The following CEP63 variants were observed in gnomAD, a reference collection of about 807,000 sequenced individuals.
CEP63 encodes centrosomal protein 63.
CEP63 carries 84 observed loss-of-function variants against 89.1 expected under a neutral mutation model. The ratio of observed to expected loss-of-function variants is 0.94; its 90% CI spans 0.79 to 1.13. The LOEUF (loss-of-function observed/expected upper bound fraction) is 1.13. Among genes scored for constraint, CEP63 ranks in the 50% most tolerant of loss-of-function variants. The pLI, the probability that CEP63 is intolerant of heterozygous loss-of-function variation, is 0.00. For synonymous variants in CEP63, 267 were observed against 272.5 expected, an observed-to-expected ratio of 0.98 and a Z score of 0.20; for missense variants, 838 against 813.3, an observed-to-expected ratio of 1.03 and a Z score of -0.37.
intron 10 of CEP63, 48 bp from the exon 11 acceptor site, chr3:134,550,014 TA>T: frequency 7.6e-7 from 1 of 1,318,780 alleles, no homozygotes; most frequent in Non-Finnish European, 1.1e-6. Context: ...TTATTCTATC[TA>T]AATGCTTTCT....
the CEP63 span, chr3:134,604,439 C>T: frequency 8.7e-6 from 14 of 1,612,660 alleles, no homozygotes; most frequent in South Asian, 5.5e-5. Context: ...AGCGTCGGGG[C>T]GCAGCTCTCA....
the CEP63 span, among the ~76,000 whole-genome samples, chr3:134,740,261 T>A: frequency 7.0e-6 from 1 of 142,418 alleles, no homozygotes; most frequent in Non-Finnish European, 1.5e-5. Flanking sequence ...GCACTTATTC[T>A]TTTCTTTTAT....
the CEP63 span, among the ~76,000 whole-genome samples, chr3:134,611,912 C>A: frequency 5.1e-4 from 77 of 152,294 alleles, no homozygotes; most frequent in African/African-American, 1.8e-3. Flanking sequence ...TTAAAATTAG[C>A]AAAATATTGG....
At chr3:134,650,523 C>T in the CEP63 span, among the ~76,000 whole-genome samples, 1 of 152,210 alleles carries the variant, frequency 6.6e-6, no homozygotes, top group African/African-American at 2.4e-5. Flanking sequence ...ATCTTCCAAT[C>T]TTGCTCTACA....
the CEP63 span, among the ~76,000 whole-genome samples, chr3:134,747,353 G>A: frequency 1.2e-4 from 18 of 152,324 alleles, no homozygotes; most frequent in African/African-American, 4.3e-4. Context: ...ATATAGTGAT[G>A]AGCAAGACAG....
Position 134,584,965 on chromosome 3 carries a change from T to TTTTTGTTTTG in CEP63, c.1207-2489_1207-2488insGTTTTGTTTT, listed in dbSNP as rs1553799231. On this transcript the variant is annotated intron_variant, in intron 10 of 10. Transcript: ENST00000683931. ...TTCTAGATTTTCTAGGGTTTTTTTT[T>TTTTTGTTTTG]TTTTTTTTTGCATGGAGGTGTTTAT... 1.3e-3 allele frequency among the ~76,000 whole-genome samples: 172 copies of TTTTTGTTTTG among 134,840 alleles called. 5 individuals are homozygous for TTTTTGTTTTG. The highest frequency in any genetic ancestry group is 4.7e-3 in the African/African-American group (167 of 35,610). 88.5% of individuals were successfully genotyped at this position (134,840 alleles called of 152,430 possible). A position where few individuals can be genotyped will look rare whatever the true frequency, so the allele number is the denominator to read the frequency against.
chr3:134,622,168 T>C, the CEP63 span, among the ~76,000 whole-genome samples: 3 of 152,190 alleles, frequency 2.0e-5, no homozygotes, highest in African/African-American at 4.8e-5. Flanking sequence ...TCTCAGAAAG[T>C]TAAATGTAGA....
At chr3:134,624,698 C>A in the CEP63 span, among the ~76,000 whole-genome samples, 5 of 152,244 alleles carry the variant, frequency 3.3e-5, no homozygotes, top group Non-Finnish European at 5.9e-5. Context: ...CTCCTCCCTT[C>A]TTCCATGGAC....
intron 10 of CEP63, among the ~76,000 whole-genome samples, chr3:134,581,738 C>T (rs1393288350): frequency 5.0e-5 from 6 of 120,442 alleles, no homozygotes; most frequent in East Asian, 2.5e-4. Flanking sequence ...TGCAGTGGCG[C>T]GATCTCGGCT....
chr3:134,736,884 G>C, the CEP63 span, among the ~76,000 whole-genome samples: 1 of 152,262 alleles, frequency 6.6e-6, no homozygotes, highest in East Asian at 1.9e-4. Flanking sequence ...ATAAGGGGTG[G>C]CAACTAATCC....
At chr3:134,485,978 T>C, upstream of CEP63, 5 of 938,936 alleles carry the variant, frequency 5.3e-6, no homozygotes, top group Non-Finnish European at 6.1e-6. Context: ...CGGCAGACGC[T>C]TGCTCCTGCC....
chr3:134,707,155 T>C, the CEP63 span, among the ~76,000 whole-genome samples: 1 of 152,210 alleles, frequency 6.6e-6, no homozygotes. Context: ...GCTCACAGCA[T>C]ACCAGGATCT....
the CEP63 span, among the ~76,000 whole-genome samples, chr3:134,704,706 G>T: frequency 7.9e-4 from 121 of 152,340 alleles, no homozygotes; most frequent in African/African-American, 2.7e-3. Flanking sequence ...CACCTCTCTT[G>T]TGAGCCTGTG....
Position 134,545,749 on chromosome 3 carries a change from C to A in CEP63, c.719C>A (p.Thr240Asn). The A allele has an allele frequency of 6.2e-7, 1 of 1,613,980 alleles. No homozygotes were observed. The highest frequency in any genetic ancestry group is 8.5e-7 in the Non-Finnish European group (1 of 1,179,986). Residue 240 changes from threonine (T) to asparagine (N), a missense_variant, in exon 7 of 15, where the codon ACC becomes AAC. By Grantham distance (65) the Thr-to-Asn change is moderately conservative. Transcript: ENST00000675561. ...LTMRVNDLVG[T>N]SMTVLQEQQQ... ...ATGAGGGTCAATGACTTGGTTGGAA[C>A]CAGTATGACTGTCCTACAGGAGCAG...
Position 134,545,570 on chromosome 3 carries a change from T to G in CEP63, c.556-16T>G. 1 of 1,543,668 alleles carries G rather than the reference T, an allele frequency of 6.5e-7. No individual in the cohort carries two copies. Among genetic ancestry groups the G allele is most frequent in the Non-Finnish European group, 9.0e-7 (1 of 1,115,898 alleles). ...CATTTCCCTTTTACCTATTGATTGA[T>G]AGTCTGTGTTTCTAGGCTCAGCTTG... On this transcript the variant is annotated splice_polypyrimidine_tract_variant and intron_variant, in intron 6 of 14. Coordinates refer to ENST00000675561, the MANE Select transcript of CEP63 (RefSeq NM_001353108.3).
the CEP63 span, among the ~76,000 whole-genome samples, chr3:134,649,746 G>C: frequency 9.9e-5 from 15 of 152,234 alleles, no homozygotes; most frequent in Non-Finnish European, 2.1e-4. Context: ...GGCAGCTCCA[G>C]CCTATGTGGC....
the CEP63 span, among the ~76,000 whole-genome samples, chr3:134,638,840 A>T: frequency 1.3e-5 from 2 of 152,078 alleles, no homozygotes; most frequent in African/African-American, 2.4e-5. Context: ...AACAGGTTTC[A>T]TGTTTTTCAT....
chr3:134,560,369 A>T (rs546403492), intron 14 of CEP63, among the ~76,000 whole-genome samples: 1 of 152,302 alleles, frequency 6.6e-6, no homozygotes, highest in East Asian at 1.9e-4. Flanking sequence ...GTAACTCCCA[A>T]ATCAGTATGC....
At chr3:134,553,967 T>C (rs531290226) in intron 12 of CEP63, among the ~76,000 whole-genome samples, 114 of 152,332 alleles carry the variant, frequency 7.5e-4, no homozygotes, top group Non-Finnish European at 9.4e-4. Flanking sequence ...ATTTTATGAA[T>C]ATTACACTGT....
Sources: gnomAD v4.1 joint callset for allele counts (sites outside exome capture counted in the v4.1 genomes callset) on GRCh38, gnomAD v4.1.1 for gene constraint, MANE v1.5 for transcripts, NCBI Gene and HGNC (gene_info 2026-07-23, HGNC 2026-07-21) for gene names.